The following BANP variants were observed in gnomAD, a reference collection of about 807,000 sequenced individuals.
BANP encodes BTG3 associated nuclear protein.
Under a neutral mutation model 68.1 loss-of-function variants are expected in BANP, and 11 were observed. The observed-to-expected ratio is 0.16, with a 90% CI of 0.10 to 0.27. The LOEUF (loss-of-function observed/expected upper bound fraction) is 0.27. Ranked by LOEUF, BANP falls within the 10% of genes least tolerant of loss-of-function variation. The pLI, the probability that BANP is intolerant of heterozygous loss-of-function variation, is 1.00. For synonymous variants in BANP, 329 were observed against 303.2 expected (o/e 1.09, Z -0.88); for missense variants, 504 against 722.7 (o/e 0.70, Z 3.47).
intron 5 of BANP, among the ~76,000 whole-genome samples, chr16:88,005,727 T>G (rs2070835243): frequency 6.6e-6 from 1 of 152,228 alleles, no homozygotes; most frequent in Non-Finnish European, 1.5e-5. Flanking sequence ...GGCACAGTTT[T>G]CCTCATTTAG....
chr16:88,071,800 T>TC lies in BANP; in HGVS notation c.1378-266dup, dbSNP rs1599140663. ...AAGCTCTGCCTTGCTTTTTTTTTTT[T>TC]CCCTTTTTTCTGCTCTGTAGGTGCT... On this transcript the variant is annotated intron_variant, in intron 12 of 13. Coordinates refer to ENST00000682872, the MANE Select transcript of BANP (RefSeq NM_001386991.1). This position sits in a 1 kb window ranked among gnomAD's most constrained non-coding sequence, Gnocchi z 6.5. 8 of 670,594 alleles carry TC rather than the reference T, an allele frequency of 1.2e-5. No individual in the cohort carries two copies. The highest frequency in any genetic ancestry group is 2.2e-5 in the Non-Finnish European group (8 of 364,382). 41.5% of individuals were successfully genotyped at this position (670,594 alleles called of 1,614,324 possible).
At chr16:87,978,323 T>A (rs961536773) in intron 2 of BANP, 1 of 232,882 alleles carries the variant, frequency 4.3e-6, no homozygotes, top group South Asian at 5.2e-5. Context: ...TCTGCTGTTA[T>A]GACGAAACTA....
intron 11 of BANP, among the ~76,000 whole-genome samples, chr16:88,039,954 T>C (rs990860016): frequency 1.3e-5 from 2 of 152,272 alleles, no homozygotes; most frequent in African/African-American, 4.8e-5. Flanking sequence ...GCTGCCGTAC[T>C]ACCACTTTTT....
chr16:88,016,008 G>A (rs2074470114), intron 6 of BANP, among the ~76,000 whole-genome samples: 2 of 152,218 alleles, frequency 1.3e-5, no homozygotes, highest in Non-Finnish European at 2.9e-5. Flanking sequence ...GTTCCCATTT[G>A]CCAGCATGGG....
At chr16:88,059,128 G>C (rs928726324) in intron 11 of BANP, among the ~76,000 whole-genome samples, 2 of 151,590 alleles carry the variant, frequency 1.3e-5, no homozygotes, top group South Asian at 2.1e-4. Flanking sequence ...TGCTCCTGCT[G>C]GTGTGCTGAG....
Position 88,018,740 on chromosome 16 carries a change from G to T in BANP, c.895+73G>T. 1.3e-6 allele frequency: 2 copies of T among 1,489,926 alleles called. No individual in the cohort carries two copies. Among genetic ancestry groups the T allele is most frequent in the East Asian group, 5.0e-5 (2 of 40,210 alleles). 92.3% of individuals were successfully genotyped at this position (1,489,926 alleles called of 1,614,324 possible). The stretch of plus-strand genomic sequence containing the variant: ...TCAGGACCCACATTTCAATGCTGAG[G>T]ACGCTGGCATCAGTAGCACCGGCAC... On this transcript the variant is annotated intron_variant, in intron 7 of 13. Transcript: ENST00000682872. This position sits in a 1 kb window ranked among gnomAD's most constrained non-coding sequence, Gnocchi z 7.7.
chr16:87,974,171 T>G (rs910826142), intron 1 of BANP, among the ~76,000 whole-genome samples: 1 of 152,232 alleles, frequency 6.6e-6, no homozygotes, highest in African/African-American at 2.4e-5. Context: ...AAAAACATGA[T>G]GGTCACATTC....
In BANP at chr16:88,002,925, C is replaced by T. The variant is rs1013333307; in HGVS notation, c.363-1370C>T. Among the ~76,000 whole-genome samples the T allele has an allele frequency of 1.3e-5, 2 of 152,052 alleles. No homozygotes were observed. The highest frequency in any genetic ancestry group is 2.9e-5 in the Non-Finnish European group (2 of 67,986). On this transcript the variant is annotated intron_variant, in intron 4 of 13. Transcript: ENST00000682872. The surrounding 1 kb of genome is among the most constrained non-coding windows in gnomAD (Gnocchi z 4.6). ...ATGCATGTGTGGACATGCTGTGAGC[C>T]TAGGATCCCGGGGACACCAGCCTTC... is the stretch of plus-strand genomic sequence containing the variant.
intron 4 of BANP, among the ~76,000 whole-genome samples, chr16:87,991,958 C>T (rs2065981322): frequency 6.6e-6 from 1 of 152,070 alleles, no homozygotes; most frequent in Non-Finnish European, 1.5e-5. Flanking sequence ...TGAAAGCATC[C>T]AGCATTTCAC....
intron 11 of BANP, 118 bp from the exon 12 acceptor site, chr16:88,065,149 G>T (rs2088155478): frequency 3.5e-6 from 2 of 568,158 alleles, no homozygotes; most frequent in Non-Finnish European, 6.3e-6. Context: ...AACGACCACA[G>T]ACCCCGTGGC....
rs2090508353 is a variant in BANP, at chr16:88,072,177, C to T, written c.1486C>T (p.Leu496=). 1 of 1,611,166 alleles carries T rather than the reference C, an allele frequency of 6.2e-7. No individual in the cohort carries two copies. Among genetic ancestry groups the T allele is most frequent in the Non-Finnish European group, 8.5e-7 (1 of 1,179,678 alleles). The change falls in exon 13 of 14, where the codon CTG becomes TTG. Residue 496 remains leucine, a synonymous_variant. Coordinates refer to ENST00000682872, the MANE Select transcript of BANP (RefSeq NM_001386991.1). Reference sequence around the variant, plus strand: ...CGACATCCAGGTTCAGTACGTGCAGCTGGCGCCAGTGAGTGACCACACGGC... The same window carrying T: ...CGACATCCAGGTTCAGTACGTGCAGTTGGCGCCAGTGAGTGACCACACGGC... The part of the protein sequence containing the change: ...GSDIQVQYVQ[L]APVSDHTAGA...
At chr16:87,978,573 T>C (rs2062637602) in intron 2 of BANP, 1 of 468,716 alleles carries the variant, frequency 2.1e-6, no homozygotes, top group Non-Finnish European at 4.4e-6. Context: ...CTGCAAAGGC[T>C]TAGGTGGAGA....
rs374053434 is a variant in BANP at position 88,065,155 on chromosome 16, G to A, written c.1312-112G>A. On this transcript the variant is annotated intron_variant, in intron 11 of 13. Coordinates refer to ENST00000682872, the MANE Select transcript of BANP (RefSeq NM_001386991.1). ...GCCATAACAAACGACCACAGACCCCGTGGCTTTACCGGAGGGCAGAAGCCC... is the reference window on the plus strand; with the variant it reads ...GCCATAACAAACGACCACAGACCCCATGGCTTTACCGGAGGGCAGAAGCCC... 519 of 589,864 alleles carry A rather than the reference G, an allele frequency of 8.8e-4. 8 individuals are homozygous for A. Among genetic ancestry groups the A allele is most frequent in the South Asian group, 7.9e-3 (398 of 50,398 alleles). The allele number at this position is 589,864 out of a possible 1,614,324, so 36.5% of individuals were successfully genotyped here.
chr16:88,005,596 G>A (rs2070774978), intron 5 of BANP, among the ~76,000 whole-genome samples: 1 of 152,210 alleles, frequency 6.6e-6, no homozygotes, highest in Non-Finnish European at 1.5e-5. Context: ...ATCTCAGTGG[G>A]TTTTTTAAGC....
chr16:88,024,895 TTAAATG>T (rs1278370038), intron 7 of BANP, among the ~76,000 whole-genome samples: 8 of 152,282 alleles, frequency 5.3e-5, no homozygotes, highest in Admixed American at 5.2e-4. Context: ...AAAGTTGAAT[TTAAATG>T]TGAATGTTTT....
intron 4 of BANP, among the ~76,000 whole-genome samples, chr16:87,984,801 G>C (rs1351728981): frequency 6.6e-6 from 1 of 152,220 alleles, no homozygotes; most frequent in Non-Finnish European, 1.5e-5. Context: ...CTCATCCGAG[G>C]CTTCCTGTCA....
chr16:88,048,980 C>G (rs1304246334), intron 11 of BANP, among the ~76,000 whole-genome samples: 1 of 152,164 alleles, frequency 6.6e-6, no homozygotes, highest in African/African-American at 2.4e-5. Flanking sequence ...CAAAGCTCTG[C>G]AGACCACATG....
chr16:88,070,706 T>C (rs1202342030), intron 12 of BANP, among the ~76,000 whole-genome samples: 1 of 152,156 alleles, frequency 6.6e-6, no homozygotes, highest in Non-Finnish European at 1.5e-5. Context: ...CTGTAGATGC[T>C]CACTGAAGAT....
chr16:87,970,024 C>T (rs1425423789), intron 1 of BANP: 2 of 151,318 alleles, frequency 1.3e-5, no homozygotes, highest in Non-Finnish European at 2.9e-5. Context: ...TCTCCTTTCT[C>T]AGCCTCCTTA....
Sources: allele counts gnomAD v4.1 joint callset (sites outside exome capture counted in the v4.1 genomes callset), GRCh38; gene constraint gnomAD v4.1.1; non-coding constraint Gnocchi (gnomAD v3.1); transcripts MANE v1.5; gene names NCBI Gene and HGNC (gene_info 2026-07-23, HGNC 2026-07-21).